TSPAN7: variants seen among roughly 807,000 people sequenced by gnomAD.
TSPAN7 encodes the protein tetraspanin-7.
In TSPAN7, 1 loss-of-function variant was observed where a neutral mutation model predicts 17.6. The observed-to-expected ratio is 0.06, with a 90% confidence interval of 0.02 to 0.27. The LOEUF (loss-of-function observed/expected upper bound fraction) is 0.27, where lower values mean the gene tolerates loss of function less well. Among genes scored for constraint, TSPAN7 ranks in the 10% least tolerant of loss-of-function variants. The pLI, the probability that TSPAN7 is intolerant of heterozygous loss-of-function variation, is 1.00. For synonymous variants in TSPAN7, 78 were observed against 79.0 expected, an observed-to-expected ratio of 0.99 and a Z score of 0.07; for missense variants, 112 against 201.7, an observed-to-expected ratio of 0.56 and a Z score of 2.69.
chrX:38,646,801 T>A lies in TSPAN7; in HGVS notation c.82-19320T>A, dbSNP rs762230277. Among the ~76,000 whole-genome samples, 108 of 112,345 alleles carry A rather than the reference T, an allele frequency of 9.6e-4. 1 individual carries two copies. The highest frequency in any genetic ancestry group is 1.5e-3 in the Admixed American group (16 of 10,632). ...CGAGAATGTGCAAGCACAGGTGCAA[T>A]TATGTACTTCATTGCTTTTATCTGT... On this transcript the variant is annotated intron_variant, in intron 1 of 7. Coordinates refer to ENST00000378482, the MANE Select transcript of TSPAN7 (RefSeq NM_004615.4).
At chrX:38,572,134 G>A (rs1336687171) in intron 1 of TSPAN7, among the ~76,000 whole-genome samples, 1 of 111,862 alleles carries the variant, frequency 8.9e-6, no homozygotes, top group Non-Finnish European at 1.9e-5. Context: ...ACTTACCAAA[G>A]TAAGAGACAG....
chrX:38,614,176 G>A (rs997137576), intron 1 of TSPAN7, among the ~76,000 whole-genome samples: 4 of 110,603 alleles, frequency 3.6e-5, no homozygotes, highest in Non-Finnish European at 5.7e-5. Flanking sequence ...TATTTCCACC[G>A]ACTTAACCTG....
At chrX:38,660,536 T>C (rs3810695) in intron 1 of TSPAN7, among the ~76,000 whole-genome samples, 1 of 112,162 alleles carries the variant, frequency 8.9e-6, no homozygotes, top group East Asian at 2.8e-4. Context: ...TAATTATTGA[T>C]GATGTGTGTG....
chrX:38,659,596 T>C (rs2069728731), intron 1 of TSPAN7, among the ~76,000 whole-genome samples: 1 of 110,334 alleles, frequency 9.1e-6, no homozygotes, highest in Non-Finnish European at 1.9e-5. Flanking sequence ...AGCTCATTAA[T>C]GACAAAACTA....
At chrX:38,657,945 ACT>A (rs1194797575) in intron 1 of TSPAN7, among the ~76,000 whole-genome samples, 1 of 111,371 alleles carries the variant, frequency 9.0e-6, no homozygotes, top group Non-Finnish European at 1.9e-5. Flanking sequence ...TGCATTTTAG[ACT>A]CTGGCTATCT....
intron 1 of TSPAN7, among the ~76,000 whole-genome samples, chrX:38,591,603 T>C (rs2069292289): frequency 8.9e-6 from 1 of 112,296 alleles, no homozygotes; most frequent in African/African-American, 3.2e-5. Flanking sequence ...GAGAGTCTTT[T>C]TGAAATCTCC....
At chrX:38,638,534 G>A (rs2069594714) in intron 1 of TSPAN7, among the ~76,000 whole-genome samples, 1 of 111,861 alleles carries the variant, frequency 8.9e-6, no homozygotes, top group Non-Finnish European at 1.9e-5. Context: ...TCGTGGTCAA[G>A]TCTGGAAGCC....
chrX:38,641,201 C>A (rs965313722), intron 1 of TSPAN7, among the ~76,000 whole-genome samples: 1 of 112,117 alleles, frequency 8.9e-6, no homozygotes, highest in African/African-American at 3.2e-5. Context: ...AGTGCAGCCC[C>A]CTCTCCAAGA....
At chrX:38,676,769 T>A (rs1199276104) in intron 5 of TSPAN7, among the ~76,000 whole-genome samples, 3 of 112,222 alleles carry the variant, frequency 2.7e-5, no homozygotes, top group African/African-American at 9.7e-5. Flanking sequence ...TAAGATTCAG[T>A]ACTGACTGCT....
chrX:38,673,766 G>A (rs1354109371), intron 3 of TSPAN7, among the ~76,000 whole-genome samples: 1 of 110,821 alleles, frequency 9.0e-6, no homozygotes, highest in East Asian at 2.8e-4. Context: ...TCACTCCTAT[G>A]GTAAAACAGG....
chrX:38,654,764 T>C, intron 1 of TSPAN7, among the ~76,000 whole-genome samples: 1 of 112,393 alleles, frequency 8.9e-6, no homozygotes, highest in East Asian at 2.8e-4. Context: ...TCACAGAACT[T>C]AACATTCATT....
chrX:38,581,288 G>A (rs766105466), intron 1 of TSPAN7, among the ~76,000 whole-genome samples: 1 of 112,067 alleles, frequency 8.9e-6, no homozygotes, highest in East Asian at 2.8e-4. Context: ...CCCGAGACTG[G>A]GTAATTTATG....
chrX:38,681,843 T>C (rs61201294), intron 6 of TSPAN7, among the ~76,000 whole-genome samples: 8,786 of 111,645 alleles, frequency 0.079, 836 homozygotes, highest in African/African-American at 0.27. Flanking sequence ...AAATTTTATA[T>C]CCCTTTATCT....
chrX:38,622,838 T>C (rs1377786369), intron 1 of TSPAN7: 2 of 327,844 alleles, frequency 6.1e-6, no homozygotes, highest in Non-Finnish European at 1.2e-5. Context: ...GATCACGCAC[T>C]AGTGTGATCT....
intron 6 of TSPAN7, among the ~76,000 whole-genome samples, chrX:38,681,648 A>T (rs748287417): frequency 1.8e-5 from 2 of 111,480 alleles, no homozygotes; most frequent in Non-Finnish European, 3.8e-5. Context: ...TTCCTGATTG[A>T]CCTAACCCTT....
At chrX:38,687,049 A>G (rs1440316777) in intron 6 of TSPAN7, among the ~76,000 whole-genome samples, 2 of 111,134 alleles carry the variant, frequency 1.8e-5, no homozygotes. Context: ...TTCTTACCTC[A>G]CTGGTGAATG....
rs148360899 is a variant in TSPAN7, at chrX:38,578,867, A to G, written c.81+17240A>G. ...TACATGTATACATATACACATATGT[A>G]TGGGTGTACATATGTGTATATGTAT... is the stretch of plus-strand genomic sequence containing the variant. On this transcript the variant is annotated intron_variant, in intron 1 of 7. Coordinates refer to ENST00000378482, the MANE Select transcript of TSPAN7 (RefSeq NM_004615.4). Among the ~76,000 whole-genome samples the G allele has an allele frequency of 4.5e-5, 5 of 111,487 alleles. No homozygotes were observed. In the East Asian group the frequency reaches 1.4e-3, roughly 32 times the overall value.
At chrX:38,613,826 TC>T (rs1329819737) in intron 1 of TSPAN7, among the ~76,000 whole-genome samples, 1 of 111,141 alleles carries the variant, frequency 9.0e-6, no homozygotes, top group Non-Finnish European at 1.9e-5. Context: ...GAAAGTGCAG[TC>T]CCTCTGTGGA....
chrX:38,568,626 A>G (rs763538134), intron 1 of TSPAN7, among the ~76,000 whole-genome samples: 1 of 111,035 alleles, frequency 9.0e-6, no homozygotes, highest in Non-Finnish European at 1.9e-5. Context: ...GCTCTGGTAT[A>G]TGTCTATTTT....
Sources: gnomAD v4.1 joint callset for allele counts (sites outside exome capture counted in the v4.1 genomes callset) on GRCh38, gnomAD v4.1.1 for gene constraint, MANE v1.5 for transcripts, NCBI Gene and HGNC (gene_info 2026-07-23, HGNC 2026-07-21) for gene names.